Variants in AGO2 observed in about 807,000 individuals in gnomAD.
AGO2 encodes the protein protein argonaute-2.
A neutral mutation model predicts 102.3 loss-of-function variants in AGO2; 5 were observed. The observed-to-expected ratio is 0.05, with a 90% CI of 0.03 to 0.10. AGO2 has a LOEUF of 0.10. Among genes scored for constraint, AGO2 ranks in the 10% least tolerant of loss-of-function variants. AGO2 has a pLI of 1.00. For missense variants in AGO2, 541 were observed against 1,183.7 expected, an observed-to-expected ratio of 0.46 and a Z score of 7.97; for synonymous variants, 449 against 473.1, an observed-to-expected ratio of 0.95 and a Z score of 0.66.
At chr8:140,545,206 G>A (rs749845575) in intron 13 of AGO2, among the ~76,000 whole-genome samples, 12 of 152,074 alleles carry the variant, frequency 7.9e-5, no homozygotes, top group Non-Finnish European at 1.6e-4. Context: ...CGACTCAGCC[G>A]AACCCATCAC....
intron 8 of AGO2, among the ~76,000 whole-genome samples, chr8:140,556,801 C>T (rs888002830): frequency 2.0e-5 from 3 of 152,150 alleles, no homozygotes; most frequent in African/African-American, 7.2e-5. Context: ...AATGACGCAA[C>T]GGTGCAGTGA....
intron 1 of AGO2, among the ~76,000 whole-genome samples, chr8:140,615,711 C>T (rs985363382): frequency 6.6e-6 from 1 of 152,260 alleles, no homozygotes; most frequent in Non-Finnish European, 1.5e-5. Context: ...TTTTCGGAAC[C>T]GGACCACCCT....
rs2072553359 is a variant in AGO2 at position 140,529,329 on chromosome 8, T to G, written c.*2715A>C. On this transcript the variant is annotated 3_prime_UTR_variant, in exon 19 of 19. Transcript: ENST00000220592. ...CTACTGTACTTTGAGGTTTTTACAC[T>G]GTCTCAAAATTTATCCTAATAATGC... 6.6e-6 allele frequency: 1 copy of G among 152,222 alleles called. No individual in the cohort carries two copies. Among genetic ancestry groups the G allele is most frequent in the South Asian group, 2.1e-4 (1 of 4,828 alleles). 9.4% of individuals were successfully genotyped at this position (152,222 alleles called of 1,614,324 possible). A position where few individuals can be genotyped will look rare whatever the true frequency, so the allele number is the denominator to read the frequency against.
At chr8:140,630,060 C>T (rs1456860272) in intron 1 of AGO2, among the ~76,000 whole-genome samples, 3 of 152,248 alleles carry the variant, frequency 2.0e-5, no homozygotes, top group Non-Finnish European at 2.9e-5. Context: ...CGGGGACACG[C>T]GTCAGCACCC....
intron 1 of AGO2, among the ~76,000 whole-genome samples, chr8:140,594,322 C>T (rs1228557771): frequency 6.6e-6 from 1 of 152,148 alleles, no homozygotes; most frequent in Non-Finnish European, 1.5e-5. Flanking sequence ...AAATAAATTT[C>T]AAATAGAAAC....
At chr8:140,576,044 C>T (rs1240903561) in intron 2 of AGO2, among the ~76,000 whole-genome samples, 1 of 152,120 alleles carries the variant, frequency 6.6e-6, no homozygotes, top group Non-Finnish European at 1.5e-5. Context: ...CAAGGCCAGG[C>T]GCGGTGGCTC....
intron 2 of AGO2, among the ~76,000 whole-genome samples, chr8:140,576,356 G>A (rs763600890): frequency 5.3e-5 from 8 of 152,092 alleles, no homozygotes; most frequent in African/African-American, 7.2e-5. Context: ...GCAATCAACT[G>A]GGAGGAAATA....
rs1169066533 is a variant in AGO2, at chr8:140,522,561, A to C, written c.*9483T>G. 2.0e-5 allele frequency: 3 copies of C among 150,946 alleles called. No individual in the cohort carries two copies. Among genetic ancestry groups the C allele is most frequent in the African/African-American group, 7.3e-5 (3 of 40,964 alleles). 9.4% of individuals were successfully genotyped at this position (150,946 alleles called of 1,614,324 possible). On this transcript the variant is annotated 3_prime_UTR_variant, in exon 19 of 19. Coordinates refer to ENST00000220592, the MANE Select transcript of AGO2 (RefSeq NM_012154.5). ...AAAAAAAGAAACATGAAAAAAAAAA[A>C]AAACCCTGAAAAAGTCGCAAGACTT...
chr8:140,595,993 T>TTATATATATTATATAATATATATAC (rs1564107246), intron 1 of AGO2, among the ~76,000 whole-genome samples: 16 of 121,990 alleles, frequency 1.3e-4, no homozygotes, highest in African/African-American at 4.4e-4. Flanking sequence ...AATATATATA[T>TTATATATATTATATAATATATATAC]TATATATATA....
In AGO2 at chr8:140,581,067, C is replaced by T. The variant is rs7832814; in HGVS notation, c.215+4052G>A. ...AAGAAAGCTGCTTGTGTACTGTGGTCGATGGCCTAAGGGCCCCCCTGCTAC... is the reference window on the plus strand; with the variant it reads ...AAGAAAGCTGCTTGTGTACTGTGGTTGATGGCCTAAGGGCCCCCCTGCTAC... On this transcript the variant is annotated intron_variant, in intron 2 of 18. Transcript: ENST00000220592. Among the ~76,000 whole-genome samples the T allele has an allele frequency of 9.8e-3, 1,490 of 152,344 alleles. 17 individuals carry two copies. Among genetic ancestry groups the T allele is most frequent in the African/African-American group, 0.034 (1,412 of 41,592 alleles).
In AGO2 at chr8:140,523,761, G is replaced by T. The variant is rs934615470; in HGVS notation, c.*8283C>A. ...CTGTTTGGCTTTGAAGAGGAACTGG[G>T]ATGGCAGCCACAGTGCTCCCTCTGC... is the stretch of plus-strand genomic sequence containing the variant. On this transcript the variant is annotated 3_prime_UTR_variant, in exon 19 of 19. Transcript: ENST00000220592. 6.6e-6 allele frequency: 1 copy of T among 152,164 alleles called. No individual in the cohort carries two copies. The highest frequency in any genetic ancestry group is 1.5e-5 in the Non-Finnish European group (1 of 68,048). 9.4% of individuals were successfully genotyped at this position (152,164 alleles called of 1,614,324 possible).
At chr8:140,595,958 T>TATATA (rs1426590202) in intron 1 of AGO2, among the ~76,000 whole-genome samples, 5 of 126,922 alleles carry the variant, frequency 3.9e-5, no homozygotes, top group Non-Finnish European at 8.0e-5. Context: ...TTATATATAA[T>TATATA]ATATATAAAT....
chr8:140,584,774 C>T (rs912505819), intron 2 of AGO2, among the ~76,000 whole-genome samples: 9 of 151,958 alleles, frequency 5.9e-5, no homozygotes, highest in African/African-American at 1.2e-4. Context: ...ATCAGAATGC[C>T]GTGACTTTAG....
At chr8:140,619,498 C>T (rs2074186836) in intron 1 of AGO2, among the ~76,000 whole-genome samples, 1 of 152,196 alleles carries the variant, frequency 6.6e-6, no homozygotes, top group Non-Finnish European at 1.5e-5. Flanking sequence ...AGACCTGGCG[C>T]CAGGGACCGG....
intron 2 of AGO2, among the ~76,000 whole-genome samples, chr8:140,581,214 G>A (rs1265002276): frequency 6.6e-6 from 1 of 152,166 alleles, no homozygotes. Flanking sequence ...ACCAGCCTGG[G>A]CAACATGGTG....
intron 3 of AGO2, among the ~76,000 whole-genome samples, chr8:140,563,536 G>A (rs1167183852): frequency 1.3e-5 from 2 of 152,074 alleles, no homozygotes; most frequent in East Asian, 1.9e-4. Context: ...GTGCCTGGCC[G>A]ACTCACCACT....
chr8:140,531,982 G>T lies in AGO2; in HGVS notation c.*62C>A. On this transcript the variant is annotated 3_prime_UTR_variant, in exon 19 of 19. Coordinates refer to ENST00000220592, the MANE Select transcript of AGO2 (RefSeq NM_012154.5). ...TCACGGAAGGGCTGGCCATCTGTTG[G>T]TCTGAGTGTAGCTGGTCTCGTGAAT... The T allele has an allele frequency of 1.4e-6, 2 of 1,432,074 alleles. No homozygotes were observed. Among genetic ancestry groups the T allele is most frequent in the Non-Finnish European group, 9.8e-7 (1 of 1,018,082 alleles). The allele number at this position is 1,432,074 out of a possible 1,614,324, so 88.7% of individuals were successfully genotyped here.
At chr8:140,631,333 G>T (rs1250117756) in intron 1 of AGO2, among the ~76,000 whole-genome samples, 1 of 152,084 alleles carries the variant, frequency 6.6e-6, no homozygotes, top group African/African-American at 2.4e-5. Flanking sequence ...CCTGAGGTTG[G>T]GAGTTTGAGA....
At chr8:140,633,779 T>G (rs1471722233) in intron 1 of AGO2, among the ~76,000 whole-genome samples, 2 of 152,216 alleles carry the variant, frequency 1.3e-5, no homozygotes, top group Non-Finnish European at 2.9e-5. Flanking sequence ...ACTCACTCAC[T>G]GCTGTGTGAC....
Sources: gnomAD v4.1 joint callset for allele counts (sites outside exome capture counted in the v4.1 genomes callset) on GRCh38, gnomAD v4.1.1 for gene constraint, MANE v1.5 for transcripts, NCBI Gene and HGNC (gene_info 2026-07-23, HGNC 2026-07-21) for gene names.